The following PFKFB3 variants were observed in gnomAD, a reference collection of about 807,000 sequenced individuals.
The protein encoded by PFKFB3 is 6-phosphofructo-2-kinase/fructose-2,6-biphosphatase 3.
In PFKFB3, 33 loss-of-function variants were observed where a neutral mutation model predicts 68.0. That is an observed-to-expected ratio of 0.49 (90% CI 0.37 to 0.65). The LOEUF (loss-of-function observed/expected upper bound fraction) is 0.65, where lower values mean the gene tolerates loss of function less well. PFKFB3 is among the 30% of genes least tolerant of loss of function. PFKFB3 has a pLI of 0.00. For synonymous variants in PFKFB3, 315 were observed against 288.2 expected (o/e 1.09, Z -0.94); for missense variants, 586 against 712.2 (o/e 0.82, Z 2.02).
chr10:6,231,264 C>T (rs758115503), intron 14 of PFKFB3: 86 of 1,604,848 alleles, frequency 5.4e-5, no homozygotes, highest in African/African-American at 3.6e-4. Context: ...GCTTGAAAGA[C>T]GAACTGTCTG....
At chr10:6,315,504 T>C in the PFKFB3 span, among the ~76,000 whole-genome samples, 1 of 152,222 alleles carries the variant, frequency 6.6e-6, no homozygotes, top group Non-Finnish European at 1.5e-5. Flanking sequence ...TTTCCTTTTT[T>C]TGAGATGGGG....
chr10:6,252,822 A>C (rs1256468927), intron 14 of PFKFB3, among the ~76,000 whole-genome samples: 2 of 152,266 alleles, frequency 1.3e-5, no homozygotes, highest in African/African-American at 4.8e-5. Context: ...GATACATAGC[A>C]CACTGTTAAT....
At chr10:6,224,125 C>T (rs1845159636) in intron 12 of PFKFB3, 24 bp from the exon 13 acceptor site, 1 of 1,614,108 alleles carries the variant, frequency 6.2e-7, no homozygotes, top group Non-Finnish European at 8.5e-7. Flanking sequence ...GCAGCTTCCT[C>T]TGCCCCCATC....
At chr10:6,248,628 CAAAAAA>C (rs1215741346) in intron 14 of PFKFB3, among the ~76,000 whole-genome samples, 3 of 71,876 alleles carry the variant, frequency 4.2e-5, no homozygotes, top group African/African-American at 1.0e-4. Context: ...GACTCCATCT[CAAAAAA>C]AAAAAAAAAA....
At chr10:6,240,507 G>T (rs977762184), downstream of PFKFB3, among the ~76,000 whole-genome samples, 3 of 151,934 alleles carry the variant, frequency 2.0e-5, no homozygotes, top group South Asian at 4.1e-4. Flanking sequence ...CAGGTGATCC[G>T]CCCGCCTCAG....
At chr10:6,309,625 C>T in the PFKFB3 span, among the ~76,000 whole-genome samples, 11 of 151,754 alleles carry the variant, frequency 7.2e-5, no homozygotes, top group Admixed American at 2.0e-4. Flanking sequence ...CCATCCCCGC[C>T]CCTCACCCCC....
chr10:6,166,338 C>A (rs1306932674), intron 1 of PFKFB3, among the ~76,000 whole-genome samples: 7 of 151,990 alleles, frequency 4.6e-5, no homozygotes, highest in Admixed American at 3.9e-4. Flanking sequence ...AGTGATCCAC[C>A]CGCCTTAGGC....
chr10:6,317,434 G>A, the PFKFB3 span, among the ~76,000 whole-genome samples: 1 of 152,198 alleles, frequency 6.6e-6, no homozygotes, highest in Non-Finnish European at 1.5e-5. Context: ...TAGGCTAAAT[G>A]ATGACTGAAA....
In PFKFB3 at chr10:6,217,140, T is replaced by A; in HGVS notation, c.447T>A (p.Phe149Leu). The change falls in exon 6 of 15, where the codon TTT (phenylalanine) becomes TTA (leucine). Residue 149 changes from phenylalanine (F) to leucine (L), a missense_variant. Coordinates refer to ENST00000379775, the MANE Select transcript of PFKFB3 (RefSeq NM_004566.4). ...HFAKENDFKA[F>L]FIESVCDDPT... is the part of the protein sequence containing the mutation. ...CCCCACCTCACTTCCACCAGGCGTTTTTCATCGAGTCGGTGTGCGACGACC... is the reference window on the plus strand; with the variant it reads ...CCCCACCTCACTTCCACCAGGCGTTATTCATCGAGTCGGTGTGCGACGACC... The A allele has an allele frequency of 6.2e-7, 1 of 1,614,182 alleles. No individual in the cohort carries two copies. The highest frequency in any genetic ancestry group is 1.1e-5 in the South Asian group (1 of 91,088).
upstream of PFKFB3, chr10:6,202,462 C>T (rs1279498822): frequency 6.6e-6 from 1 of 152,310 alleles, no homozygotes; most frequent in Non-Finnish European, 1.5e-5. Context: ...TGCCCCACAG[C>T]GCGTGTTAGG....
At chr10:6,317,867 C>T in the PFKFB3 span, among the ~76,000 whole-genome samples, 3 of 152,100 alleles carry the variant, frequency 2.0e-5, no homozygotes, top group African/African-American at 7.2e-5. Context: ...CGCAATTGTG[C>T]GCAAAGACTG....
At chr10:6,266,305 G>T in the PFKFB3 span, among the ~76,000 whole-genome samples, 1 of 152,050 alleles carries the variant, frequency 6.6e-6, no homozygotes, top group Non-Finnish European at 1.5e-5. Context: ...TCCCAGATTT[G>T]GGTCATAGGA....
At chr10:6,146,835 G>T (rs773353632) in intron 1 of PFKFB3, among the ~76,000 whole-genome samples, 2 of 152,220 alleles carry the variant, frequency 1.3e-5, no homozygotes, top group Admixed American at 6.5e-5. Context: ...GTAAGCTTTG[G>T]TTTTTTGGTT....
rs150122683 is a variant in PFKFB3, at chr10:6,150,532, G to A, written c.16+5519G>A. ...CCAGCTACTCAGGAGACTGAGGCAC[G>A]AGAATCACTTGAACCTAGGAGGCGG... On this transcript the variant is annotated intron_variant, in intron 1 of 14. Coordinates refer to the PFKFB3 transcript ENST00000379789. Among the ~76,000 whole-genome samples, 503 of 152,280 alleles carry A rather than the reference G, an allele frequency of 3.3e-3. 1 individual carries two copies. The highest frequency in any genetic ancestry group is 0.011 in the African/African-American group (447 of 41,550).
chr10:6,185,213 C>T lies in PFKFB3; in HGVS notation c.17-28410C>T, dbSNP rs1306548610. ...AAGGACTCTCAGCTCTTTCTCTGCT[C>T]CTCTCCTTTGATCCCTCTGCTGGGG... is the stretch of plus-strand genomic sequence containing the variant. On this transcript the variant is annotated intron_variant, in intron 1 of 14. Transcript: ENST00000379789. 2.6e-5 allele frequency among the ~76,000 whole-genome samples: 4 copies of T among 152,288 alleles called. No individual in the cohort carries two copies. The East Asian group carries it at 7.7e-4, about 29-fold the overall frequency.
At chr10:6,254,880 C>T (rs912426783), downstream of PFKFB3, among the ~76,000 whole-genome samples, 9 of 118,966 alleles carry the variant, frequency 7.6e-5, no homozygotes, top group South Asian at 2.9e-4. Context: ...TGCAGTGTCA[C>T]GATCTTGGCT....
the PFKFB3 span, among the ~76,000 whole-genome samples, chr10:6,262,978 C>G: frequency 5.3e-5 from 8 of 152,236 alleles, no homozygotes; most frequent in African/African-American, 1.9e-4. Context: ...GAGACCACCT[C>G]GGTCGGGGAG....
intron 1 of PFKFB3, among the ~76,000 whole-genome samples, chr10:6,149,048 C>T (rs1174302463): frequency 6.6e-6 from 1 of 152,156 alleles, no homozygotes; most frequent in African/African-American, 2.4e-5. Flanking sequence ...CACTGCACTC[C>T]AGCCTGAGTG....
At chr10:6,210,657 G>A (rs1321512097) in intron 1 of PFKFB3, among the ~76,000 whole-genome samples, 29 of 64 alleles carry the variant, frequency 0.45, 4 homozygotes, top group Admixed American at 0.56. Context: ...ACGGGGTTTC[G>A]CCATGTTAGC....
Sources: allele counts gnomAD v4.1 joint callset (sites outside exome capture counted in the v4.1 genomes callset), GRCh38; gene constraint gnomAD v4.1.1; transcripts MANE v1.5; gene names NCBI Gene and HGNC (gene_info 2026-07-23, HGNC 2026-07-21).